Variants in MARCHF8 observed in about 807,000 individuals in gnomAD.
The protein encoded by MARCHF8 is E3 ubiquitin-protein ligase MARCHF8.
A neutral mutation model predicts 51.6 loss-of-function variants in MARCHF8; 40 were observed. The observed-to-expected ratio is 0.77, with a 90% CI of 0.60 to 1.01. The LOEUF is 1.01. Among genes scored for constraint, MARCHF8 ranks in the 50% least tolerant of loss-of-function variants. The pLI is 0.00. For synonymous variants in MARCHF8, 263 were observed against 280.3 expected (o/e 0.94, Z 0.62); for missense variants, 685 against 708.6 (o/e 0.97, Z 0.38).
chr10:45,515,966 G>A (rs1168706753), intron 2 of MARCHF8, among the ~76,000 whole-genome samples: 1 of 152,152 alleles, frequency 6.6e-6, no homozygotes, highest in East Asian at 1.9e-4. Flanking sequence ...TGTCTTACGA[G>A]ATTTCATGTC....
At position 45,533,231 on chromosome 10, in the gene MARCHF8, G is replaced by A. The variant is rs768361217; in HGVS notation, c.-20C>T. ...GCTCATCCCAACCTCTTATCTGGTC[G>A]TCTTCTTCACAGAAGAGAGTCTCCA... On this transcript the variant is annotated 5_prime_UTR_variant, in exon 2 of 8. The change creates a new upstream start codon in the 5' untranslated region. Coordinates refer to ENST00000453424, the MANE Select transcript of MARCHF8 (RefSeq NM_001282866.2). 1.9e-5 allele frequency: 30 copies of A among 1,593,410 alleles called. No individual in the cohort carries two copies. Among genetic ancestry groups the A allele is most frequent in the East Asian group, 6.7e-5 (3 of 44,576 alleles).
At chr10:45,490,623 TAA>T (rs973908630) in intron 2 of MARCHF8, among the ~76,000 whole-genome samples, 1 of 146,612 alleles carries the variant, frequency 6.8e-6, no homozygotes, top group Non-Finnish European at 1.5e-5. Context: ...TGACTTTCTT[TAA>T]AAAAAAAAAG....
intron 3 of MARCHF8, among the ~76,000 whole-genome samples, chr10:45,485,133 C>T (rs1271484486): frequency 6.6e-6 from 1 of 152,100 alleles, no homozygotes; most frequent in Non-Finnish European, 1.5e-5. Context: ...ATTGACTCAG[C>T]ATGTACTGAC....
intron 2 of MARCHF8, among the ~76,000 whole-genome samples, chr10:45,493,388 A>G (rs2043118952): frequency 6.6e-6 from 1 of 152,218 alleles, no homozygotes; most frequent in Admixed American, 6.5e-5. Flanking sequence ...TGACCCCAGG[A>G]GAGATGGAAG....
intron 3 of MARCHF8, among the ~76,000 whole-genome samples, chr10:45,480,969 A>G (rs1010685825): frequency 6.6e-6 from 1 of 152,254 alleles, no homozygotes; most frequent in East Asian, 1.9e-4. Flanking sequence ...AGCTCGTGAA[A>G]GCAGCCAGGA....
chr10:45,574,232 T>C (rs1372973770), intron 1 of MARCHF8, among the ~76,000 whole-genome samples: 1 of 152,168 alleles, frequency 6.6e-6, no homozygotes, highest in East Asian at 1.9e-4. Context: ...TTAAAGCCTG[T>C]TATCACTCAC....
intron 3 of MARCHF8, among the ~76,000 whole-genome samples, chr10:45,467,563 C>A (rs544390091): frequency 6.6e-6 from 1 of 152,272 alleles, no homozygotes; most frequent in African/African-American, 2.4e-5. Flanking sequence ...GCCTGATCAA[C>A]AACAAAATGA....
chr10:45,542,345 CAAAAAAAAAAAAA>C lies in MARCHF8; in HGVS notation c.-78-9069_-78-9057del, dbSNP rs60776762. On this transcript the variant is annotated intron_variant, in intron 1 of 6. Coordinates refer to the MARCHF8 transcript ENST00000319836. ...CTGGTGACAGAGCAGGACTTCGTCT[CAAAAAAAAAAAAA>C]AAAAAAAAAAAAAGACTTGATTGAA... is the stretch of plus-strand genomic sequence containing the variant. Among the ~76,000 whole-genome samples the C allele has an allele frequency of 1.4e-4, 7 of 48,992 alleles. No homozygotes were observed. The South Asian group carries it at 2.5e-3, about 17-fold the overall frequency. 32.1% of individuals were successfully genotyped at this position (48,992 alleles called of 152,430 possible).
chr10:45,557,625 A>G (rs1001300710), intron 1 of MARCHF8, among the ~76,000 whole-genome samples: 1 of 152,214 alleles, frequency 6.6e-6, no homozygotes, highest in African/African-American at 2.4e-5. Context: ...ACAGAAGACC[A>G]TACGACCTCC....
chr10:45,535,359 C>T lies in MARCHF8; in HGVS notation c.-227G>A, dbSNP rs1336339665. On this transcript the variant is annotated 5_prime_UTR_variant, in exon 1 of 8. Coordinates refer to ENST00000453424, the MANE Select transcript of MARCHF8 (RefSeq NM_001282866.2). ...GGTCAAACTGACGATATCCACAGCC[C>T]TATACCTACCATGCCAAAAGCTACC... 1.3e-5 allele frequency: 2 copies of T among 152,248 alleles called. No individual in the cohort carries two copies. The highest frequency in any genetic ancestry group is 2.9e-5 in the Non-Finnish European group (2 of 68,056). 9.4% of individuals were successfully genotyped at this position (152,248 alleles called of 1,614,324 possible). A position where few individuals can be genotyped will look rare whatever the true frequency, so the allele number is the denominator to read the frequency against.
intron 1 of MARCHF8, among the ~76,000 whole-genome samples, chr10:45,559,024 G>T (rs567773726): frequency 6.6e-6 from 1 of 152,258 alleles, no homozygotes; most frequent in Admixed American, 6.5e-5. Context: ...GAAAGAAAAG[G>T]TATAGTTTAA....
chr10:45,516,561 C>T (rs181249240), intron 2 of MARCHF8, among the ~76,000 whole-genome samples: 7 of 152,210 alleles, frequency 4.6e-5, no homozygotes, highest in East Asian at 1.9e-4. Flanking sequence ...GTCAGGAGTT[C>T]GAGACCAGCC....
intron 2 of MARCHF8, among the ~76,000 whole-genome samples, chr10:45,518,947 C>T (rs1402487861): frequency 6.6e-6 from 1 of 152,114 alleles, no homozygotes; most frequent in Non-Finnish European, 1.5e-5. Flanking sequence ...CTAGTAACAC[C>T]TTCGTAACAC....
intron 3 of MARCHF8, among the ~76,000 whole-genome samples, chr10:45,465,543 T>G (rs1388972307): frequency 6.6e-6 from 1 of 152,144 alleles, no homozygotes; most frequent in Non-Finnish European, 1.5e-5. Flanking sequence ...CCAGAACAGA[T>G]AAGGCCATTG....
At chr10:45,579,300 ATTC>A (rs1377711683) in intron 1 of MARCHF8, among the ~76,000 whole-genome samples, 1 of 152,060 alleles carries the variant, frequency 6.6e-6, no homozygotes, top group African/African-American at 2.4e-5. Flanking sequence ...AATTCTCTAT[ATTC>A]TTTGTGTATT....
intron 3 of MARCHF8, among the ~76,000 whole-genome samples, chr10:45,473,861 AGTACTG>A (rs2042739400): frequency 6.6e-6 from 1 of 152,124 alleles, no homozygotes; most frequent in Admixed American, 6.5e-5. Flanking sequence ...GTCCATCTAA[AGTACTG>A]GACTTTCCAA....
intron 1 of MARCHF8, among the ~76,000 whole-genome samples, chr10:45,542,888 T>C (rs752000700): frequency 3.9e-5 from 6 of 152,212 alleles, no homozygotes; most frequent in Non-Finnish European, 8.8e-5. Flanking sequence ...AGAGGTTACA[T>C]TGTCTAATTA....
At chr10:45,508,999 T>C (rs2043441907) in intron 2 of MARCHF8, among the ~76,000 whole-genome samples, 1 of 152,220 alleles carries the variant, frequency 6.6e-6, no homozygotes, top group Non-Finnish European at 1.5e-5. Flanking sequence ...CATCTATTTG[T>C]TGCTGTTTTA....
chr10:45,497,706 CA>C (rs201441146), intron 2 of MARCHF8, among the ~76,000 whole-genome samples: 3 of 149,350 alleles, frequency 2.0e-5, no homozygotes, highest in Non-Finnish European at 3.0e-5. Context: ...AAGAACTCAC[CA>C]AAAAAAAACT....
Sources: allele counts gnomAD v4.1 joint callset (sites outside exome capture counted in the v4.1 genomes callset), GRCh38; gene constraint gnomAD v4.1.1; transcripts MANE v1.5; gene names NCBI Gene and HGNC (gene_info 2026-07-23, HGNC 2026-07-21).